The following RASGEF1C variants were observed in gnomAD, a reference collection of about 807,000 sequenced individuals.
RASGEF1C encodes the protein RasGEF domain family member 1C, also known as ras-GEF domain-containing family member 1C.
In RASGEF1C, 27 loss-of-function variants were observed where a neutral mutation model predicts 58.1. That is an observed-to-expected ratio of 0.46 (90% CI 0.34 to 0.64). The LOEUF (loss-of-function observed/expected upper bound fraction) is 0.64, where lower values mean the gene tolerates loss of function less well. Among genes scored for constraint, RASGEF1C ranks in the 30% least tolerant of loss-of-function variants. The probability of loss-of-function intolerance (pLI) is 0.01; values close to 1 mark genes in which losing one functional copy is unlikely to be tolerated. For synonymous variants in RASGEF1C, 243 were observed against 246.3 expected (o/e 0.99, Z 0.13); for missense variants, 502 against 605.1 (o/e 0.83, Z 1.79).
At chr5:180,187,528 C>G (rs1180150382) in intron 1 of RASGEF1C, among the ~76,000 whole-genome samples, 1 of 151,880 alleles carries the variant, frequency 6.6e-6, no homozygotes, top group Admixed American at 6.6e-5. Flanking sequence ...ACACTGAAAA[C>G]TATAAAATAT....
chr5:180,164,216 A>C (rs1401594311), intron 1 of RASGEF1C, among the ~76,000 whole-genome samples: 1 of 152,132 alleles, frequency 6.6e-6, no homozygotes. Flanking sequence ...TCTGTTTTCA[A>C]CATCGTTGAT....
In RASGEF1C at chr5:180,197,489, G is replaced by A. The variant is rs1756299993; in HGVS notation, c.-7+11539C>T. On this transcript the variant is annotated intron_variant, in intron 1 of 13. Transcript: ENST00000361132. This position sits in a 1 kb window ranked among gnomAD's most constrained non-coding sequence, Gnocchi z 4.7. ...GGTCCACGTGATGGACAGATGGGAG[G>A]CTGTGAGCAGAGAGAGGCCCACAAA... 6.6e-6 allele frequency among the ~76,000 whole-genome samples: 1 copy of A among 152,216 alleles called. No homozygotes were observed. The highest frequency in any genetic ancestry group is 1.9e-4 in the East Asian group (1 of 5,202).
chr5:180,192,553 T>G (rs1271976933), intron 1 of RASGEF1C, among the ~76,000 whole-genome samples: 1 of 152,128 alleles, frequency 6.6e-6, no homozygotes, highest in Non-Finnish European at 1.5e-5. Flanking sequence ...TCTATATATA[T>G]AGATCAATTA....
At position 180,177,701 on chromosome 5, in the gene RASGEF1C, G is replaced by A. The variant is rs999167289; in HGVS notation, c.-7+31327C>T. On this transcript the variant is annotated intron_variant, in intron 1 of 13. Coordinates refer to ENST00000361132, the MANE Select transcript of RASGEF1C (RefSeq NM_175062.4). The surrounding 1 kb of genome is among the most constrained non-coding windows in gnomAD (Gnocchi z 5.0). ...TGTGATCCAGGCCCAGCCACTCAGT[G>A]CCTTTCATCTCCCTGGCCTCTGGGA... Among the ~76,000 whole-genome samples the A allele has an allele frequency of 6.6e-6, 1 of 152,230 alleles. No individual in the cohort carries two copies. Among genetic ancestry groups the A allele is most frequent in the Admixed American group, 6.5e-5 (1 of 15,280 alleles).
rs1766842783 is a variant in RASGEF1C, at chr5:180,155,991, A to G, written c.-6-17933T>C. 6.6e-6 allele frequency among the ~76,000 whole-genome samples: 1 copy of G among 151,990 alleles called. No homozygotes were observed. Among genetic ancestry groups the G allele is most frequent in the South Asian group, 2.1e-4 (1 of 4,810 alleles). On this transcript the variant is annotated intron_variant, in intron 1 of 13. Coordinates refer to ENST00000361132, the MANE Select transcript of RASGEF1C (RefSeq NM_175062.4). This position sits in a 1 kb window ranked among gnomAD's most constrained non-coding sequence, Gnocchi z 5.2. The stretch of plus-strand genomic sequence containing the variant: ...TGGGCTTTGCTTCGAGACAATTACT[A>G]TTATTATTATTACAGCATGAACATC...
At chr5:180,173,191 A>C (rs1283778203) in intron 1 of RASGEF1C, among the ~76,000 whole-genome samples, 1 of 152,224 alleles carries the variant, frequency 6.6e-6, no homozygotes. Flanking sequence ...CAGGAGAATC[A>C]GTGCGTCTGC....
chr5:180,137,015 C>T lies in RASGEF1C; in HGVS notation c.301-500G>A, dbSNP rs992420604. On this transcript the variant is annotated intron_variant, in intron 3 of 13. Transcript: ENST00000361132. The surrounding 1 kb of genome is among the most constrained non-coding windows in gnomAD (Gnocchi z 4.1). ...TGGTGCGGTGGAGGCGGCCAAGCGC[C>T]ACACCAGCCAGCCCGAGGGAGGCCA... Among the ~76,000 whole-genome samples, 4 of 152,262 alleles carry T rather than the reference C, an allele frequency of 2.6e-5. No homozygotes were observed. Among genetic ancestry groups the T allele is most frequent in the African/African-American group, 9.6e-5 (4 of 41,554 alleles).
intron 1 of RASGEF1C, among the ~76,000 whole-genome samples, chr5:180,192,401 G>A (rs779330564): frequency 9.9e-5 from 15 of 152,080 alleles, no homozygotes; most frequent in South Asian, 2.1e-4. Context: ...AGGCTCTCAA[G>A]AGTGTTCACA....
intron 12 of RASGEF1C, among the ~76,000 whole-genome samples, chr5:180,110,230 C>G (rs1312859774): frequency 1.3e-5 from 2 of 152,140 alleles, no homozygotes; most frequent in Non-Finnish European, 2.9e-5. Context: ...GCGGCTCAGA[C>G]AGGTTTATTC....
In RASGEF1C at chr5:180,160,344, C is replaced by G. The variant is rs555515408; in HGVS notation, c.-6-22286G>C. On this transcript the variant is annotated intron_variant, in intron 1 of 13. Transcript: ENST00000361132. ...GCCTCTGGGGCCTCCAGACTGGACACCCTCTGCTCCAGGTGCCTGGGCATG... is the reference window on the plus strand; with the variant it reads ...GCCTCTGGGGCCTCCAGACTGGACAGCCTCTGCTCCAGGTGCCTGGGCATG... 2.6e-5 allele frequency among the ~76,000 whole-genome samples: 4 copies of G among 152,336 alleles called. No individual in the cohort carries two copies. In the East Asian group the frequency reaches 7.7e-4, roughly 29 times the overall value.
intron 1 of RASGEF1C, among the ~76,000 whole-genome samples, chr5:180,171,918 C>A (rs957202239): frequency 2.0e-5 from 3 of 152,090 alleles, no homozygotes; most frequent in Non-Finnish European, 4.4e-5. Context: ...CCTCAGCTGT[C>A]GGACCTCAGC....
chr5:180,108,952 C>T (rs1388370760), intron 12 of RASGEF1C, among the ~76,000 whole-genome samples: 1 of 152,212 alleles, frequency 6.6e-6, no homozygotes, highest in Admixed American at 6.5e-5. Flanking sequence ...AGGAGGGCCA[C>T]AGTTTTGTCT....
chr5:180,203,285 CTA>C (rs1478612458), intron 1 of RASGEF1C, among the ~76,000 whole-genome samples: 2 of 152,170 alleles, frequency 1.3e-5, no homozygotes, highest in Admixed American at 1.3e-4. Flanking sequence ...TCACGTTATA[CTA>C]TGTTATGTTT....
intron 1 of RASGEF1C, among the ~76,000 whole-genome samples, chr5:180,154,011 G>C (rs1343155317): frequency 6.6e-6 from 1 of 152,188 alleles, no homozygotes; most frequent in Non-Finnish European, 1.5e-5. Flanking sequence ...GGATGTTTAT[G>C]TCTTATTCCT....
chr5:180,130,889 G>A (rs546869204), intron 4 of RASGEF1C, among the ~76,000 whole-genome samples: 1 of 152,238 alleles, frequency 6.6e-6, no homozygotes, highest in Non-Finnish European at 1.5e-5. Flanking sequence ...AGCAAATGGA[G>A]GTCGACTCTC....
At position 180,137,837 on chromosome 5, in the gene RASGEF1C, G is replaced by GGA. The variant is rs775405540; in HGVS notation, c.177+37_177+38dup. The GGA allele has an allele frequency of 2.8e-5, 45 of 1,605,498 alleles. No individual in the cohort carries two copies. The highest frequency in any genetic ancestry group is 5.3e-5 in the African/African-American group (4 of 74,822). ...CCTGATGCCCCCCGTGCGTGGTGGA[G>GGA]GAGAGCCCACTCTCCTGCCCGCTGG... On this transcript the variant is annotated intron_variant, in intron 2 of 13. Coordinates refer to ENST00000361132, the MANE Select transcript of RASGEF1C (RefSeq NM_175062.4). The surrounding 1 kb of genome is among the most constrained non-coding windows in gnomAD (Gnocchi z 4.1).
intron 1 of RASGEF1C, among the ~76,000 whole-genome samples, chr5:180,183,586 A>G (rs1019967540): frequency 1.3e-5 from 2 of 152,282 alleles, no homozygotes; most frequent in Non-Finnish European, 2.9e-5. Context: ...GCACTTTGGA[A>G]GGCTGAGGCA....
intron 3 of RASGEF1C, chr5:180,136,791 G>C (rs1766487034): frequency 2.1e-6 from 1 of 480,806 alleles, no homozygotes; most frequent in Non-Finnish European, 3.7e-6. Context: ...GGAGTGGGGA[G>C]TCCTCAGAGC....
At chr5:180,152,523 T>C (rs1265954645) in intron 1 of RASGEF1C, among the ~76,000 whole-genome samples, 2 of 122,036 alleles carry the variant, frequency 1.6e-5, no homozygotes, top group Non-Finnish European at 3.2e-5. Flanking sequence ...TGAGAACACA[T>C]GGACACAGGA....
Sources: allele counts gnomAD v4.1 joint callset (sites outside exome capture counted in the v4.1 genomes callset), GRCh38; gene constraint gnomAD v4.1.1; non-coding constraint Gnocchi (gnomAD v3.1); transcripts MANE v1.5; gene names NCBI Gene and HGNC (gene_info 2026-07-23, HGNC 2026-07-21).